The following CFAP61 variants were observed in gnomAD, a reference collection of about 807,000 sequenced individuals.
CFAP61 encodes the protein cilia and flagella associated protein 61.
CFAP61 carries 107 observed loss-of-function variants against 135.6 expected under a neutral mutation model. The ratio of observed to expected loss-of-function variants is 0.79; its 90% CI spans 0.67 to 0.93. The LOEUF (loss-of-function observed/expected upper bound fraction) is 0.93. CFAP61 is among the 40% of genes least tolerant of loss of function. The pLI is 0.00. For missense variants in CFAP61, 1,507 were observed against 1,556.2 expected, an observed-to-expected ratio of 0.97 and a Z score of 0.53; for synonymous variants, 575 against 578.5, an observed-to-expected ratio of 0.99 and a Z score of 0.09.
chr20:20,066,970 G>A (rs751519431), intron 2 of CFAP61, among the ~76,000 whole-genome samples: 2 of 151,820 alleles, frequency 1.3e-5, no homozygotes, highest in East Asian at 3.9e-4. Context: ...TGGAGGGGGC[G>A]GATGTGATAC....
chr20:20,219,048 TGATA>T (rs1264483723), intron 17 of CFAP61, among the ~76,000 whole-genome samples: 3 of 152,158 alleles, frequency 2.0e-5, no homozygotes, highest in Non-Finnish European at 4.4e-5. Flanking sequence ...AGGAGAGAGG[TGATA>T]TTCAAATCCC....
intron 8 of CFAP61, among the ~76,000 whole-genome samples, chr20:20,117,121 C>T (rs942695099): frequency 1.3e-5 from 2 of 152,014 alleles, no homozygotes; most frequent in South Asian, 2.1e-4. Flanking sequence ...TTTTGGAGGC[C>T]GAGGTGGGTG....
At chr20:20,202,498 A>G (rs1301858037) in intron 17 of CFAP61, among the ~76,000 whole-genome samples, 3 of 152,270 alleles carry the variant, frequency 2.0e-5, no homozygotes, top group Non-Finnish European at 2.9e-5. Context: ...GGGCCTCGGT[A>G]TTAAAAAGTT....
At chr20:20,133,841 C>G (rs935678974) in intron 8 of CFAP61, among the ~76,000 whole-genome samples, 5 of 152,178 alleles carry the variant, frequency 3.3e-5, no homozygotes, top group Admixed American at 1.3e-4. Context: ...ACTGGTTGGC[C>G]TGGAGTCTAC....
rs539159064 is a variant in CFAP61, at chr20:20,346,092, G to C, written c.3513+4171G>C. Among the ~76,000 whole-genome samples, 33 of 131,884 alleles carry C rather than the reference G, an allele frequency of 2.5e-4. 1 individual carries two copies. In the South Asian group the frequency reaches 8.7e-3, roughly 35 times the overall value. 86.5% of individuals were successfully genotyped at this position (131,884 alleles called of 152,430 possible). On this transcript the variant is annotated intron_variant, in intron 26 of 26. Coordinates refer to ENST00000245957, the MANE Select transcript of CFAP61 (RefSeq NM_015585.4). Reference sequence around the variant, plus strand: ...AATTTTTTGTATTTTTAGTAGAGACGGGGTTTCACCTTGTTAGCCAGGATG... The same window carrying C: ...AATTTTTTGTATTTTTAGTAGAGACCGGGTTTCACCTTGTTAGCCAGGATG...
intron 17 of CFAP61, among the ~76,000 whole-genome samples, chr20:20,210,640 G>C (rs1218261532): frequency 6.6e-6 from 1 of 152,142 alleles, no homozygotes; most frequent in East Asian, 1.9e-4. Context: ...CACAGACCAC[G>C]AATGCCCCTC....
intron 8 of CFAP61, among the ~76,000 whole-genome samples, chr20:20,135,047 G>T (rs780587238): frequency 1.1e-4 from 17 of 151,824 alleles, no homozygotes; most frequent in Non-Finnish European, 1.9e-4. Context: ...TATCTAAGGT[G>T]CCCTAAATGC....
chr20:20,056,541 T>A, intron 1 of CFAP61, 77 bp from the exon 2 acceptor site: 1 of 1,020,536 alleles, frequency 9.8e-7, no homozygotes, highest in Non-Finnish European at 1.5e-6. Flanking sequence ...ATGTTCACTC[T>A]GACCACATGG....
At chr20:20,090,712 A>T in intron 6 of CFAP61, 132 bp from the exon 7 acceptor site, 36 of 565,216 alleles carry the variant, frequency 6.4e-5, no homozygotes, top group Non-Finnish European at 9.9e-5. Flanking sequence ...AAAAAAAAAA[A>T]GAAGGAAAGT....
chr20:20,191,040 A>AC (rs1274312275), intron 14 of CFAP61, among the ~76,000 whole-genome samples: 4 of 151,984 alleles, frequency 2.6e-5, no homozygotes, highest in Admixed American at 2.6e-4. Context: ...AATTCCTTGA[A>AC]CCCAGGAGGC....
intron 8 of CFAP61, among the ~76,000 whole-genome samples, chr20:20,106,028 A>ATATG: frequency 1.5e-5 from 1 of 66,428 alleles, no homozygotes; most frequent in Non-Finnish European, 2.9e-5. Flanking sequence ...ATATATATAT[A>ATATG]TATATATATA....
chr20:20,229,767 A>G (rs2048999119), intron 18 of CFAP61, among the ~76,000 whole-genome samples: 1 of 152,246 alleles, frequency 6.6e-6, no homozygotes, highest in South Asian at 2.1e-4. Context: ...ACTAGAAATA[A>G]ATTATGAGTC....
chr20:20,200,445 A>G (rs1360317783), intron 17 of CFAP61, among the ~76,000 whole-genome samples: 1 of 152,240 alleles, frequency 6.6e-6, no homozygotes, highest in Non-Finnish European at 1.5e-5. Flanking sequence ...CTTAAAATGA[A>G]TGGCCAGGGG....
intron 25 of CFAP61, among the ~76,000 whole-genome samples, chr20:20,319,695 GTCTT>G (rs1295380379): frequency 6.6e-6 from 1 of 152,152 alleles, no homozygotes; most frequent in African/African-American, 2.4e-5. Flanking sequence ...CCAGTTTCTG[GTCTT>G]TCTTTATAGC....
rs761241256 is a variant in CFAP61, at chr20:20,164,235, A to C, written c.1205+7A>C. 6.2e-7 allele frequency: 1 copy of C among 1,602,102 alleles called. No individual in the cohort carries two copies. The highest frequency in any genetic ancestry group is 1.7e-5 in the Admixed American group (1 of 59,060). ...ATGAGAAATATGAAGCAAGGCAAGTACTGACCTTCTGGCTGGCTGTCACAG... is the reference window on the plus strand; with the variant it reads ...ATGAGAAATATGAAGCAAGGCAAGTCCTGACCTTCTGGCTGGCTGTCACAG... On this transcript the variant is annotated splice_region_variant and intron_variant, in intron 11 of 26. Coordinates refer to ENST00000245957, the MANE Select transcript of CFAP61 (RefSeq NM_015585.4).
intron 9 of CFAP61, among the ~76,000 whole-genome samples, chr20:20,152,993 C>G (rs1049694337): frequency 6.6e-6 from 1 of 151,996 alleles, no homozygotes; most frequent in South Asian, 2.1e-4. Context: ...TCTCAATAAA[C>G]TTAAGAAAAT....
intron 25 of CFAP61, among the ~76,000 whole-genome samples, chr20:20,326,208 G>A (rs1039484761): frequency 1.3e-5 from 2 of 152,136 alleles, no homozygotes; most frequent in African/African-American, 4.8e-5. Context: ...AGCTCTTTGT[G>A]TATTTGGTTT....
intron 8 of CFAP61, among the ~76,000 whole-genome samples, chr20:20,116,097 C>T (rs1029666639): frequency 1.3e-5 from 2 of 152,138 alleles, no homozygotes; most frequent in African/African-American, 2.4e-5. Flanking sequence ...TCTACATTCT[C>T]ACCATCATCT....
chr20:20,303,539 A>G (rs2056238749), intron 25 of CFAP61, among the ~76,000 whole-genome samples: 4 of 152,108 alleles, frequency 2.6e-5, no homozygotes, highest in Non-Finnish European at 5.9e-5. Flanking sequence ...CTGCGACCAC[A>G]TTCTTTTCAA....
Sources: allele counts gnomAD v4.1 joint callset (sites outside exome capture counted in the v4.1 genomes callset), GRCh38; gene constraint gnomAD v4.1.1; transcripts MANE v1.5; gene names NCBI Gene and HGNC (gene_info 2026-07-23, HGNC 2026-07-21).